Variants in PTPN9 observed in about 807,000 individuals in gnomAD.
PTPN9 encodes the protein protein tyrosine phosphatase non-receptor type 9.
PTPN9 carries 26 observed loss-of-function variants against 69.8 expected under a neutral mutation model. That is an observed-to-expected ratio of 0.37 (90% CI 0.27 to 0.52). The LOEUF (loss-of-function observed/expected upper bound fraction) is 0.52. Among genes scored for constraint, PTPN9 ranks in the 20% least tolerant of loss-of-function variants. PTPN9 has a pLI of 0.91. For synonymous variants in PTPN9, 274 were observed against 272.5 expected (o/e 1.01, Z -0.05); for missense variants, 549 against 740.3 (o/e 0.74, Z 3.00).
chr15:75,502,801 G>A (rs922080726), intron 7 of PTPN9, among the ~76,000 whole-genome samples: 1 of 152,148 alleles, frequency 6.6e-6, no homozygotes, highest in Admixed American at 6.6e-5. Context: ...GGAATAGAGA[G>A]TAGCCTATTT....
intron 1 of PTPN9, among the ~76,000 whole-genome samples, chr15:75,559,812 G>A (rs2075096341): frequency 6.6e-6 from 1 of 150,430 alleles, no homozygotes. Context: ...TGGGGTGGCT[G>A]AAGAAAAGAA....
intron 7 of PTPN9, among the ~76,000 whole-genome samples, chr15:75,503,336 T>C (rs1272451135): frequency 7.3e-6 from 1 of 136,176 alleles, no homozygotes; most frequent in South Asian, 2.5e-4. Flanking sequence ...CGACCCCGTC[T>C]GGGAGGTGAG....
At chr15:75,576,663 CTGGGCATGG>C (rs2075175149) in intron 1 of PTPN9, among the ~76,000 whole-genome samples, 1 of 151,770 alleles carries the variant, frequency 6.6e-6, no homozygotes, top group Admixed American at 6.6e-5. Flanking sequence ...CAAAAATTAG[CTGGGCATGG>C]TGGCAGGCGC....
intron 11 of PTPN9, 108 bp from the exon 12 acceptor site, chr15:75,470,107 T>G: frequency 9.9e-7 from 1 of 1,012,116 alleles, no homozygotes; most frequent in East Asian, 2.6e-5. Flanking sequence ...CCACCAAGGC[T>G]CCTATCCACC....
chr15:75,511,560 G>A (rs1476724834), intron 5 of PTPN9, among the ~76,000 whole-genome samples: 1 of 152,130 alleles, frequency 6.6e-6, no homozygotes, highest in Non-Finnish European at 1.5e-5. Context: ...TGCTATTTAA[G>A]ACTTTAACCT....
In PTPN9 at chr15:75,515,199, G is replaced by C. The variant is rs60670726; in HGVS notation, c.528+2060C>G. Among the ~76,000 whole-genome samples the C allele has an allele frequency of 2.7e-3, 417 of 151,970 alleles. 5 individuals are homozygous for C. The highest frequency in any genetic ancestry group is 9.3e-3 in the African/African-American group (386 of 41,438). On this transcript the variant is annotated intron_variant, in intron 5 of 12. Coordinates refer to ENST00000618819, the MANE Select transcript of PTPN9 (RefSeq NM_002833.4). The stretch of plus-strand genomic sequence containing the variant: ...TCCCAGCACTTTGGGAGGCTGAGGC[G>C]GGCAGTTCACAAGGTGAGGAGATCG...
At chr15:75,511,536 G>A (rs2141314349) in intron 5 of PTPN9, among the ~76,000 whole-genome samples, 1 of 152,264 alleles carries the variant, frequency 6.6e-6, no homozygotes, top group East Asian at 1.9e-4. Context: ...GAGCCTCCAT[G>A]CCTGGCCTGT....
intron 7 of PTPN9, among the ~76,000 whole-genome samples, chr15:75,501,625 C>G (rs1005581168): frequency 6.6e-6 from 1 of 151,720 alleles, no homozygotes; most frequent in African/African-American, 2.4e-5. Flanking sequence ...CTAATTTTTT[C>G]GTTTTTTATT....
intron 1 of PTPN9, among the ~76,000 whole-genome samples, chr15:75,533,488 T>G (rs1201660975): frequency 6.6e-6 from 1 of 152,142 alleles, no homozygotes; most frequent in Non-Finnish European, 1.5e-5. Context: ...CTCGAACTCC[T>G]GGGCTCAAGA....
rs529930495 is a variant in PTPN9, at chr15:75,474,511, T to A, written c.1130-744A>T. ...TCCAGCCTGGGCAACAGAACGAGAC[T>A]CTGTCTCAAAAAAAAAAAAAATTAG... is the stretch of plus-strand genomic sequence containing the variant. On this transcript the variant is annotated intron_variant, in intron 9 of 12. Coordinates refer to ENST00000618819, the MANE Select transcript of PTPN9 (RefSeq NM_002833.4). Among the ~76,000 whole-genome samples, 96 of 151,422 alleles carry A rather than the reference T, an allele frequency of 6.3e-4. 3 individuals carry two copies. Among genetic ancestry groups the A allele is most frequent in the South Asian group, 1.5e-3 (7 of 4,786 alleles).
In PTPN9 at chr15:75,523,249, A is replaced by G. The variant is rs1210952707; in HGVS notation, c.298-4T>C. 6.2e-7 allele frequency: 1 copy of G among 1,610,318 alleles called. No individual in the cohort carries two copies. The highest frequency in any genetic ancestry group is 1.1e-5 in the South Asian group (1 of 90,380). On this transcript the variant is annotated splice_polypyrimidine_tract_variant and splice_region_variant and intron_variant, in intron 3 of 12. Transcript: ENST00000618819. ...CTCCTGTTGGGTCCCGAACATTCTAAAGCAAATAAAACAAGAAACATTAAA... is the reference window on the plus strand; with the variant it reads ...CTCCTGTTGGGTCCCGAACATTCTAGAGCAAATAAAACAAGAAACATTAAA...
chr15:75,471,012 C>A, intron 10 of PTPN9, 182 bp from the exon 11 acceptor site: 1 of 706,560 alleles, frequency 1.4e-6, no homozygotes, highest in Non-Finnish European at 2.2e-6. Flanking sequence ...AATGTACTCA[C>A]AGCTAAAGTT....
chr15:75,546,265 C>T (rs1167587171), intron 1 of PTPN9, among the ~76,000 whole-genome samples: 1 of 152,042 alleles, frequency 6.6e-6, no homozygotes, highest in Non-Finnish European at 1.5e-5. Flanking sequence ...CTGGGAGACC[C>T]CTTCAAACTT....
At chr15:75,527,051 C>G in intron 2 of PTPN9, 67 bp downstream of exon 2, 1 of 1,574,852 alleles carries the variant, frequency 6.3e-7, no homozygotes, top group Non-Finnish European at 8.7e-7. Flanking sequence ...GTGTGTCGAG[C>G]ATGACAGGGA....
chr15:75,517,139 C>A (rs2074874676), intron 5 of PTPN9, 120 bp downstream of exon 5: 1 of 676,176 alleles, frequency 1.5e-6, no homozygotes, highest in African/African-American at 1.8e-5. Context: ...TACAGATGAC[C>A]TTTACATTGA....
At position 75,469,838 on chromosome 15, in the gene PTPN9, A is replaced by C. The variant is rs778267689; in HGVS notation, c.1521T>G (p.Pro507=). ...NMGARSKGQC[P]EPPIVVHCSA... is the part of the protein sequence containing the mutation. ...TGCAATGGACCACAATGGGTGGCTC[A>C]GGGCACTGCCCTTTGGAGCGTGCTC... The change falls in exon 12 of 13, where the codon CCT becomes CCG. Residue 507 remains proline, a synonymous_variant. Transcript: ENST00000618819. 6.2e-7 allele frequency: 1 copy of C among 1,613,678 alleles called. No individual in the cohort carries two copies. Among genetic ancestry groups the C allele is most frequent in the South Asian group, 1.1e-5 (1 of 91,056 alleles).
At chr15:75,521,344 C>T (rs1024493549) in intron 4 of PTPN9, among the ~76,000 whole-genome samples, 5 of 150,172 alleles carry the variant, frequency 3.3e-5, no homozygotes, top group East Asian at 3.9e-4. Context: ...CCCAGCTACT[C>T]GGGAGGCTGA....
chr15:75,478,363 C>A (rs1056282209), intron 9 of PTPN9, among the ~76,000 whole-genome samples: 2 of 152,308 alleles, frequency 1.3e-5, no homozygotes, highest in Non-Finnish European at 2.9e-5. Flanking sequence ...CCTCGGCCTC[C>A]CAAAGTGCTG....
At chr15:75,480,494 G>T (rs750731402) in intron 8 of PTPN9, among the ~76,000 whole-genome samples, 53 of 151,496 alleles carry the variant, frequency 3.5e-4, no homozygotes, top group African/African-American at 1.2e-3. Flanking sequence ...TCGCGGCGCC[G>T]GAGGCCCCAG....
Sources: allele counts gnomAD v4.1 joint callset (sites outside exome capture counted in the v4.1 genomes callset), GRCh38; gene constraint gnomAD v4.1.1; transcripts MANE v1.5; gene names NCBI Gene and HGNC (gene_info 2026-07-23, HGNC 2026-07-21).